Variants in AFDN observed in about 807,000 individuals in gnomAD.
The protein encoded by AFDN is afadin, adherens junction formation factor, also known as afadin.
In AFDN, 68 loss-of-function variants were observed where a neutral mutation model predicts 216.6. The ratio of observed to expected loss-of-function variants is 0.31; its 90% CI spans 0.26 to 0.38. The LOEUF (loss-of-function observed/expected upper bound fraction) is 0.38, where lower values mean the gene tolerates loss of function less well. AFDN is among the 10% of genes least tolerant of loss of function. The probability of loss-of-function intolerance (pLI) is 1.00; values close to 1 mark genes in which losing one functional copy is unlikely to be tolerated. For missense variants in AFDN, 2,136 were observed against 2,342.0 expected (o/e 0.91, Z 1.82); for synonymous variants, 868 against 853.7 (o/e 1.02, Z -0.29).
In AFDN at chr6:167,827,116, G is replaced by A. The variant is rs1205810024; in HGVS notation, c.-17G>A. 10 of 1,240,034 alleles carry A rather than the reference G, an allele frequency of 8.1e-6. No individual in the cohort carries two copies. The East Asian group carries it at 2.0e-4, about 25-fold the overall frequency. The allele number at this position is 1,240,034 out of a possible 1,614,324, so 76.8% of individuals were successfully genotyped here. A position where few individuals can be genotyped will look rare whatever the true frequency, so the allele number is the denominator to read the frequency against. On this transcript the variant is annotated 5_prime_UTR_variant, in exon 1 of 34. Transcript: ENST00000683244. Reference sequence around the variant, plus strand: ...CCGGCCCCGGCCCCGCGCGGCTGAGGAGGCGCGGCCAGGACCATGTCGGCG... The same window carrying A: ...CCGGCCCCGGCCCCGCGCGGCTGAGAAGGCGCGGCCAGGACCATGTCGGCG...
chr6:167,949,906 A>G (rs1248154031), intron 29 of AFDN, among the ~76,000 whole-genome samples: 1 of 152,162 alleles, frequency 6.6e-6, no homozygotes, highest in Non-Finnish European at 1.5e-5. Flanking sequence ...GAGGCAGGCC[A>G]GAGTGTGGAA....
intron 11 of AFDN, among the ~76,000 whole-genome samples, chr6:167,898,779 A>G (rs1562634420): frequency 6.6e-6 from 1 of 152,210 alleles, no homozygotes; most frequent in Non-Finnish European, 1.5e-5. Context: ...GTAATTATTC[A>G]GTGTAACTAA....
At chr6:167,954,218 T>C (rs1227804887) in intron 30 of AFDN, among the ~76,000 whole-genome samples, 1 of 152,240 alleles carries the variant, frequency 6.6e-6, no homozygotes, top group East Asian at 1.9e-4. Context: ...AGGGAAATTT[T>C]GCTGTTTTTT....
At chr6:167,943,521 G>T in intron 25 of AFDN, 46 bp downstream of exon 25, 2 of 1,470,146 alleles carry the variant, frequency 1.4e-6, no homozygotes, top group South Asian at 1.1e-5. Context: ...GCATTTTTAG[G>T]TGATTTTTGC....
chr6:167,911,889 A>G, intron 15 of AFDN: 2 of 237,596 alleles, frequency 8.4e-6, no homozygotes, highest in Non-Finnish European at 1.7e-5. Context: ...GTCGGTTCCA[A>G]AACGTCTCCA....
intron 23 of AFDN, among the ~76,000 whole-genome samples, chr6:167,932,275 A>G (rs1236505979): frequency 6.6e-6 from 1 of 152,118 alleles, no homozygotes. Flanking sequence ...TTTGATGTTA[A>G]GTTCCCTGAC....
intron 31 of AFDN, chr6:167,964,152 G>A: frequency 9.4e-7 from 1 of 1,063,460 alleles, no homozygotes; most frequent in Middle Eastern, 4.2e-4. Context: ...ACTTGTGTTA[G>A]TAACTGCTTC....
intron 29 of AFDN, among the ~76,000 whole-genome samples, chr6:167,950,821 G>A (rs1426994422): frequency 1.3e-5 from 2 of 151,852 alleles, no homozygotes; most frequent in Admixed American, 1.3e-4. Context: ...GAAGGGCCTC[G>A]AGGCAGAGAG....
intron 12 of AFDN, among the ~76,000 whole-genome samples, chr6:167,905,305 C>A (rs956446933): frequency 6.6e-5 from 10 of 152,164 alleles, no homozygotes; most frequent in Non-Finnish European, 1.2e-4. Context: ...ATTTCTATTG[C>A]ACTTTTCTTA....
rs1266344977 is a variant in AFDN at position 167,827,066 on chromosome 6, G to A, written c.-67G>A. 3.8e-6 allele frequency: 3 copies of A among 787,412 alleles called. No individual in the cohort carries two copies. The East Asian group carries it at 3.2e-4, about 84-fold the overall frequency. The allele number at this position is 787,412 out of a possible 1,614,324, so 48.8% of individuals were successfully genotyped here. Reference sequence around the variant, plus strand: ...GTGGCGAGGGGCGCCGGGCCCCCGCGGACCTGTCGTCCTCGGCCCGTCCTC... The same window carrying A: ...GTGGCGAGGGGCGCCGGGCCCCCGCAGACCTGTCGTCCTCGGCCCGTCCTC... On this transcript the variant is annotated 5_prime_UTR_variant, in exon 1 of 34. Transcript: ENST00000683244.
chr6:167,862,694 T>A (rs1783731975), intron 1 of AFDN, among the ~76,000 whole-genome samples: 1 of 152,224 alleles, frequency 6.6e-6, no homozygotes, highest in Non-Finnish European at 1.5e-5. Flanking sequence ...GTTTTAGGGT[T>A]GCCAGACTAA....
intron 26 of AFDN, among the ~76,000 whole-genome samples, chr6:167,944,833 T>G (rs999282151): frequency 4.0e-5 from 6 of 151,874 alleles, no homozygotes; most frequent in Non-Finnish European, 8.8e-5. Flanking sequence ...GAAGGCCACT[T>G]AACCCTGAGT....
At position 167,922,976 on chromosome 6, in the gene AFDN, T is replaced by C. The variant is rs1224398279; in HGVS notation, c.3012+17T>C. 2 of 1,550,652 alleles carry C rather than the reference T, an allele frequency of 1.3e-6. No homozygotes were observed. The highest frequency in any genetic ancestry group is 8.9e-7 in the Non-Finnish European group (1 of 1,124,258). ...ACAGAGCTGGCAAGTATTTTGAGGG[T>C]ACCATGAAGTGAAATGGATCCTTAG... On this transcript the variant is annotated intron_variant, in intron 22 of 33. Coordinates refer to ENST00000683244, the MANE Select transcript of AFDN (RefSeq NM_001386888.1).
chr6:167,864,843 G>A (rs1032250434), intron 2 of AFDN, 97 bp downstream of exon 2: 18 of 1,229,442 alleles, frequency 1.5e-5, no homozygotes, highest in African/African-American at 3.0e-5. Context: ...TTTACTGCTC[G>A]TCTCCATCTT....
At chr6:167,953,820 G>A (rs1345105652) in intron 30 of AFDN, among the ~76,000 whole-genome samples, 3 of 152,190 alleles carry the variant, frequency 2.0e-5, no homozygotes, top group Non-Finnish European at 4.4e-5. Flanking sequence ...GGATCCTAAG[G>A]ACGTTCATGG....
chr6:167,944,040 A>G lies in AFDN; in HGVS notation c.3339A>G (p.Pro1113=). 6.2e-7 allele frequency: 1 copy of G among 1,613,936 alleles called. No individual in the cohort carries two copies. Among genetic ancestry groups the G allele is most frequent in the Non-Finnish European group, 8.5e-7 (1 of 1,179,802 alleles). The part of the protein sequence containing the change: ...YHGLATLLNQ[P]SPMMQRISDR... ...GTCTGGCCACCCTTCTCAATCAGCC[A>G]TCCCCCATGATGCAGAGAAGTAAGG... Residue 1113 remains proline, a synonymous_variant, in exon 26 of 34, where the codon CCA becomes CCG. Coordinates refer to ENST00000683244, the MANE Select transcript of AFDN (RefSeq NM_001386888.1).
chr6:167,952,025 C>T lies in AFDN; in HGVS notation c.4671C>T (p.Ser1557=), dbSNP rs373902959. 43 of 1,614,030 alleles carry T rather than the reference C, an allele frequency of 2.7e-5. No homozygotes were observed. Among genetic ancestry groups the T allele is most frequent in the Admixed American group, 1.3e-4 (8 of 59,998 alleles). ...IQELQSKPDR[S]AEESDRLRKL... The stretch of plus-strand genomic sequence containing the variant: ...AGCTCCAGAGCAAACCGGACCGCAG[C>T]GCCGAGGAGAGCGACCGGCTGCGCA... The change falls in exon 30 of 34, where the codon AGC becomes AGT. Residue 1557 remains serine (S), a synonymous_variant. Coordinates refer to ENST00000683244, the MANE Select transcript of AFDN (RefSeq NM_001386888.1).
chr6:167,910,857 G>T (rs1790293187), intron 13 of AFDN, among the ~76,000 whole-genome samples: 1 of 152,188 alleles, frequency 6.6e-6, no homozygotes, highest in African/African-American at 2.4e-5. Flanking sequence ...AATCACGTCA[G>T]ATCTGCTGTC....
chr6:167,886,753 G>A (rs751138659), intron 6 of AFDN, among the ~76,000 whole-genome samples: 18 of 152,236 alleles, frequency 1.2e-4, no homozygotes, highest in Non-Finnish European at 2.5e-4. Flanking sequence ...TGTACATAGG[G>A]TCTGTACTAC....
Sources: allele counts gnomAD v4.1 joint callset (sites outside exome capture counted in the v4.1 genomes callset), GRCh38; gene constraint gnomAD v4.1.1; transcripts MANE v1.5; gene names NCBI Gene and HGNC (gene_info 2026-07-23, HGNC 2026-07-21).